The following TTC7A variants were observed in gnomAD, a reference collection of about 807,000 sequenced individuals.
TTC7A encodes the protein tetratricopeptide repeat domain 7A, also known as tetratricopeptide repeat protein 7A.
In TTC7A, 110 loss-of-function variants were observed where a neutral mutation model predicts 103.7. The ratio of observed to expected loss-of-function variants is 1.06; its 90% CI spans 0.91 to 1.24. The LOEUF is 1.24. TTC7A is among the 50% of genes most tolerant of loss of function. The probability of loss-of-function intolerance (pLI) is 0.00; values close to 1 mark genes in which losing one functional copy is unlikely to be tolerated. For synonymous variants in TTC7A, 521 were observed against 467.9 expected, an observed-to-expected ratio of 1.11 and a Z score of -1.47; for missense variants, 1,340 against 1,116.3, an observed-to-expected ratio of 1.20 and a Z score of -2.86.
At chr2:46,956,505 G>GGT in intron 2 of TTC7A, 1 of 274,174 alleles carries the variant, frequency 3.6e-6, no homozygotes, top group Non-Finnish European at 7.0e-6. Context: ...GCTTCTGAGT[G>GGT]CCCCCTGGGG....
At chr2:46,986,324 G>C (rs1675002819) in intron 5 of TTC7A, among the ~76,000 whole-genome samples, 1 of 152,226 alleles carries the variant, frequency 6.6e-6, no homozygotes, top group Non-Finnish European at 1.5e-5. Flanking sequence ...GTCAGGTTTA[G>C]GTGACGAAGC....
intron 11 of TTC7A, among the ~76,000 whole-genome samples, chr2:47,016,383 C>T (rs944441861): frequency 1.3e-5 from 2 of 152,210 alleles, no homozygotes; most frequent in Non-Finnish European, 1.5e-5. Context: ...TTGGATAGGT[C>T]GCTTCAGCTC....
At chr2:46,969,495 A>G (rs1433920501) in intron 3 of TTC7A, among the ~76,000 whole-genome samples, 1 of 151,768 alleles carries the variant, frequency 6.6e-6, no homozygotes, top group Non-Finnish European at 1.5e-5. Flanking sequence ...CGACAGTGCA[A>G]CCTCCGACTC....
chr2:46,988,634 C>G (rs1675293656), intron 5 of TTC7A, among the ~76,000 whole-genome samples: 1 of 152,232 alleles, frequency 6.6e-6, no homozygotes, highest in South Asian at 2.1e-4. Context: ...GTGCAGAATA[C>G]TTGGCTAATC....
At position 46,941,241 on chromosome 2, in the gene TTC7A, G is replaced by A. The variant is rs1406656747; in HGVS notation, c.-301G>A. Reference sequence around the variant, plus strand: ...CGGAGGCTGTGGCAGCAGCTGCAGCGGCGGCGGCGGCGGCAGCGCCAGGAG... The same window carrying A: ...CGGAGGCTGTGGCAGCAGCTGCAGCAGCGGCGGCGGCGGCAGCGCCAGGAG... On this transcript the variant is annotated 5_prime_UTR_variant, in exon 1 of 20. Transcript: ENST00000319190. This position sits in a 1 kb window ranked among gnomAD's most constrained non-coding sequence, Gnocchi z 4.2. The A allele has an allele frequency of 2.0e-5, 3 of 149,056 alleles. 1 individual carries two copies. The highest frequency in any genetic ancestry group is 3.5e-4 in the South Asian group (2 of 5,676). 9.2% of individuals were successfully genotyped at this position (149,056 alleles called of 1,614,324 possible).
chr2:46,992,506 A>T (rs1675734613), intron 5 of TTC7A, among the ~76,000 whole-genome samples: 2 of 152,230 alleles, frequency 1.3e-5, no homozygotes, highest in Non-Finnish European at 2.9e-5. Context: ...GCGGTCATTC[A>T]GAAAGGACTT....
chr2:47,067,914 C>T (rs1390318583), intron 19 of TTC7A: 2 of 152,122 alleles, frequency 1.3e-5, no homozygotes, highest in East Asian at 1.9e-4. Flanking sequence ...GCAGTAAAGC[C>T]ACTCCGTCCT....
chr2:46,918,714 C>T (rs953212295), intron 2 of TTC7A, among the ~76,000 whole-genome samples: 3 of 152,352 alleles, frequency 2.0e-5, no homozygotes, highest in East Asian at 3.9e-4. Flanking sequence ...ATATAGGCCA[C>T]ATGCCAACCA....
chr2:47,072,382 C>A (rs972203836), intron 19 of TTC7A, among the ~76,000 whole-genome samples: 1 of 152,200 alleles, frequency 6.6e-6, no homozygotes, highest in Non-Finnish European at 1.5e-5. Flanking sequence ...CTCCAGCCAG[C>A]GCCTCTGGAG....
intron 19 of TTC7A, among the ~76,000 whole-genome samples, chr2:47,069,457 G>A (rs999454259): frequency 1.7e-4 from 26 of 152,164 alleles, no homozygotes; most frequent in African/African-American, 5.3e-4. Context: ...GTGAGTCTGG[G>A]CTCTTCTCAG....
chr2:46,967,478 AG>A (rs1672964618), intron 3 of TTC7A, among the ~76,000 whole-genome samples: 1 of 152,216 alleles, frequency 6.6e-6, no homozygotes, highest in Non-Finnish European at 1.5e-5. Context: ...TGATTACGCA[AG>A]TACCTCATGT....
chr2:46,936,042 G>C (rs1260773808), intron 2 of TTC7A, among the ~76,000 whole-genome samples: 1 of 152,150 alleles, frequency 6.6e-6, no homozygotes, highest in Admixed American at 6.5e-5. Flanking sequence ...AGTGAGCTAT[G>C]ATTGCACCAT....
intron 15 of TTC7A, among the ~76,000 whole-genome samples, chr2:47,042,692 GTGTGTGTGTGTA>G (rs1204298360): frequency 3.4e-5 from 5 of 148,564 alleles, no homozygotes; most frequent in Non-Finnish European, 7.5e-5. Flanking sequence ...GTGTGTGTGT[GTGTGTGTGTGTA>G]TATATATGTA....
At chr2:46,948,314 G>T (rs1284841095) in intron 1 of TTC7A, among the ~76,000 whole-genome samples, 1 of 152,184 alleles carries the variant, frequency 6.6e-6, no homozygotes, top group Non-Finnish European at 1.5e-5. Context: ...CACAGCTCTG[G>T]AATGTGGCTC....
At chr2:46,991,659 C>A (rs765482052) in intron 5 of TTC7A, among the ~76,000 whole-genome samples, 1 of 151,848 alleles carries the variant, frequency 6.6e-6, no homozygotes, top group East Asian at 1.9e-4. Flanking sequence ...ATAATAATAC[C>A]GGTGATAGTA....
intron 11 of TTC7A, among the ~76,000 whole-genome samples, chr2:47,015,690 C>A (rs989660952): frequency 6.6e-6 from 1 of 152,206 alleles, no homozygotes; most frequent in African/African-American, 2.4e-5. Flanking sequence ...TGGTTGCTAT[C>A]ACCGTTACAG....
At chr2:46,991,605 C>T (rs879670600) in intron 5 of TTC7A, among the ~76,000 whole-genome samples, 3 of 152,122 alleles carry the variant, frequency 2.0e-5, no homozygotes, top group Non-Finnish European at 2.9e-5. Flanking sequence ...GTTATTTACT[C>T]ACCTTAAAAG....
chr2:46,924,400 T>C (rs1669279803), intron 2 of TTC7A, among the ~76,000 whole-genome samples: 1 of 152,102 alleles, frequency 6.6e-6, no homozygotes, highest in South Asian at 2.1e-4. Flanking sequence ...TGAGCTTAGC[T>C]CTCCAATTAA....
At chr2:46,987,205 T>C (rs566774178) in intron 5 of TTC7A, among the ~76,000 whole-genome samples, 1 of 152,198 alleles carries the variant, frequency 6.6e-6, no homozygotes, top group Non-Finnish European at 1.5e-5. Flanking sequence ...TGGACTCTGG[T>C]TGGAGCCTCG....
Sources: gnomAD v4.1 joint callset for allele counts (sites outside exome capture counted in the v4.1 genomes callset) on GRCh38, gnomAD v4.1.1 for gene constraint, Gnocchi (gnomAD v3.1) non-coding constraint, MANE v1.5 for transcripts, NCBI Gene and HGNC (gene_info 2026-07-23, HGNC 2026-07-21) for gene names.